Variants in PRUNE2 observed in about 807,000 individuals in gnomAD.
The protein encoded by PRUNE2 is protein prune homolog 2.
Under a neutral mutation model 252.0 loss-of-function variants are expected in PRUNE2, and 164 were observed. The observed-to-expected ratio is 0.65, with a 90% CI of 0.57 to 0.74. The LOEUF (loss-of-function observed/expected upper bound fraction) is 0.74, where lower values mean the gene tolerates loss of function less well. Among genes scored for constraint, PRUNE2 ranks in the 30% least tolerant of loss-of-function variants. The pLI is 0.00. For synonymous variants in PRUNE2, 1,292 were observed against 1,350.2 expected, an observed-to-expected ratio of 0.96 and a Z score of 0.94; for missense variants, 3,495 against 3,711.0, an observed-to-expected ratio of 0.94 and a Z score of 1.51.
At chr9:76,789,408 G>A (rs560915205) in intron 6 of PRUNE2, among the ~76,000 whole-genome samples, 33 of 152,204 alleles carry the variant, frequency 2.2e-4, no homozygotes, top group Non-Finnish European at 4.9e-4. Context: ...CTCCCAGACT[G>A]TAAATCTCTC....
intron 6 of PRUNE2, among the ~76,000 whole-genome samples, chr9:76,773,844 C>T (rs943837459): frequency 6.6e-6 from 1 of 152,060 alleles, no homozygotes; most frequent in Non-Finnish European, 1.5e-5. Context: ...ACTTAGGAGA[C>T]CCCATGTGTT....
intron 1 of PRUNE2, chr9:76,869,181 G>A (rs2061037814): frequency 6.6e-6 from 1 of 152,188 alleles, no homozygotes; most frequent in Admixed American, 6.5e-5. Flanking sequence ...ATTTGGAATG[G>A]ACGTCAGGCC....
rs1291630285 is a variant in PRUNE2, at chr9:76,614,454, A to G, written c.*116T>C. On this transcript the variant is annotated 3_prime_UTR_variant, in exon 19 of 19. Coordinates refer to ENST00000376718, the MANE Select transcript of PRUNE2 (RefSeq NM_015225.3). ...CTATTTTTCCCCTTAGAAATTTAGA[A>G]TGGCACCAGGTAGTGCAAAGTGGAA... is the stretch of plus-strand genomic sequence containing the variant. The G allele has an allele frequency of 2.5e-6, 2 of 795,504 alleles. No homozygotes were observed. The highest frequency in any genetic ancestry group is 4.2e-6 in the Non-Finnish European group (2 of 473,982). The allele number at this position is 795,504 out of a possible 1,614,324, so 49.3% of individuals were successfully genotyped here. A position where few individuals can be genotyped will look rare whatever the true frequency, so the allele number is the denominator to read the frequency against.
chr9:76,840,361 A>G (rs2059314094), intron 4 of PRUNE2, among the ~76,000 whole-genome samples: 1 of 152,162 alleles, frequency 6.6e-6, no homozygotes, highest in African/African-American at 2.4e-5. Context: ...AGGAATCAAT[A>G]TCTTGGCCCA....
intron 1 of PRUNE2, among the ~76,000 whole-genome samples, chr9:76,895,136 A>G (rs2062741779): frequency 6.6e-6 from 1 of 152,172 alleles, no homozygotes. Context: ...AATAATTTCC[A>G]TGGGTGGAAA....
intron 6 of PRUNE2, among the ~76,000 whole-genome samples, chr9:76,771,829 C>T (rs927833406): frequency 6.6e-6 from 1 of 152,132 alleles, no homozygotes; most frequent in Non-Finnish European, 1.5e-5. Flanking sequence ...ACAAAAGCCA[C>T]CAACCACTCA....
chr9:76,614,696 A>C, intron 18 of PRUNE2, 96 bp from the exon 19 acceptor site: 1 of 892,020 alleles, frequency 1.1e-6, no homozygotes, highest in South Asian at 1.5e-5. Flanking sequence ...TTTTCCTCAA[A>C]GGACATACTG....
intron 1 of PRUNE2, among the ~76,000 whole-genome samples, chr9:76,878,097 C>T (rs922564795): frequency 6.6e-6 from 1 of 152,144 alleles, no homozygotes; most frequent in African/African-American, 2.4e-5. Context: ...GAAGACAGGT[C>T]AGCACTATGG....
chr9:76,793,075 T>C (rs139488759), intron 6 of PRUNE2, among the ~76,000 whole-genome samples: 1 of 152,342 alleles, frequency 6.6e-6, no homozygotes, highest in East Asian at 1.9e-4. Context: ...CCAAGTCTAT[T>C]ATGCCATGTG....
rs765995242 is a variant in PRUNE2 at position 76,652,538 on chromosome 9, A to T, written c.8502T>A (p.Asn2834Lys). 6.2e-7 allele frequency: 1 copy of T among 1,613,338 alleles called. No homozygotes were observed. The highest frequency in any genetic ancestry group is 8.5e-7 in the Non-Finnish European group (1 of 1,179,362). Residue 2834 changes from asparagine (N) to lysine (K), a missense_variant, in exon 11 of 19, where the codon AAT becomes AAA. By Grantham distance (94) the Asn-to-Lys change is moderately conservative. Transcript: ENST00000376718. ...CATCGGGGGTATCAAGTTCATCCAC[A>T]TTGATGTCAATTTCATCTGGACTGT... ...NLDSPDEIDI[N>K]VDELDTPDEA...
At chr9:76,787,127 A>T (rs922343060) in intron 6 of PRUNE2, 4 of 152,106 alleles carry the variant, frequency 2.6e-5, no homozygotes, top group African/African-American at 9.7e-5. Context: ...AATTTTTTAA[A>T]CTTGCTGAAA....
At chr9:76,688,594 A>G (rs377391401) in intron 9 of PRUNE2, among the ~76,000 whole-genome samples, 9 of 151,522 alleles carry the variant, frequency 5.9e-5, no homozygotes, top group African/African-American at 2.2e-4. Flanking sequence ...TTCTAAAACT[A>G]CCTCCCTTCT....
chr9:76,826,419 G>A (rs1027501120), intron 5 of PRUNE2, among the ~76,000 whole-genome samples, 161 bp downstream of exon 5: 7 of 152,200 alleles, frequency 4.6e-5, no homozygotes, highest in African/African-American at 1.7e-4. Flanking sequence ...GTTGCAGTGA[G>A]CTGAGATCAT....
In PRUNE2 at chr9:76,645,637, T is replaced by C. The variant is rs546076143; in HGVS notation, c.8558-728A>G. ...TCCTCTGGGAAGAAATTTACTCTTGTGCATTTAAAAAAAAAAAGTAACCAT... is the reference window on the plus strand; with the variant it reads ...TCCTCTGGGAAGAAATTTACTCTTGCGCATTTAAAAAAAAAAAGTAACCAT... On this transcript the variant is annotated intron_variant, in intron 11 of 18. Coordinates refer to ENST00000376718, the MANE Select transcript of PRUNE2 (RefSeq NM_015225.3). Among the ~76,000 whole-genome samples the C allele has an allele frequency of 6.7e-4, 101 of 151,862 alleles. No individual in the cohort carries two copies. In the South Asian group the frequency reaches 8.5e-3, roughly 13 times the overall value.
chr9:76,761,557 A>C (rs548408499), intron 6 of PRUNE2, among the ~76,000 whole-genome samples: 1 of 152,314 alleles, frequency 6.6e-6, no homozygotes, highest in Admixed American at 6.5e-5. Context: ...TGGACATCAA[A>C]GCCCGGGGTC....
In PRUNE2 at chr9:76,707,817, G is replaced by C. The variant is rs368132273; in HGVS notation, c.4457C>G (p.Pro1486Arg). Reference sequence around the variant, plus strand: ...GACGTCCCCAAAATCAAGACTTCGGGGAACTCTGTGAGGTGGCCCTCCACC... The same window carrying C: ...GACGTCCCCAAAATCAAGACTTCGGCGAACTCTGTGAGGTGGCCCTCCACC... ...NVGGGPPHRV[P>R]RSLDFGDVPI... is the part of the protein sequence containing the mutation. Residue 1486 changes from proline to arginine, a missense_variant, in exon 8 of 19, where the codon CCC becomes CGC. Physicochemically the swap from Pro to Arg is moderately radical, Grantham distance 103 (BLOSUM62 -2). Coordinates refer to ENST00000376718, the MANE Select transcript of PRUNE2 (RefSeq NM_015225.3). 26 of 1,613,328 alleles carry C rather than the reference G, an allele frequency of 1.6e-5. No homozygotes were observed. The highest frequency in any genetic ancestry group is 2.0e-5 in the Non-Finnish European group (24 of 1,179,672).
At chr9:76,704,516 C>T (rs1425734902) in intron 8 of PRUNE2, among the ~76,000 whole-genome samples, 6 of 152,320 alleles carry the variant, frequency 3.9e-5, no homozygotes, top group East Asian at 1.9e-4. Context: ...TGAGCCACCG[C>T]GCCCAGCTAG....
intron 6 of PRUNE2, among the ~76,000 whole-genome samples, chr9:76,765,529 G>A (rs899879292): frequency 6.6e-6 from 1 of 152,126 alleles, no homozygotes; most frequent in Non-Finnish European, 1.5e-5. Flanking sequence ...TTGCATTCTA[G>A]CAATTAGCAC....
intron 1 of PRUNE2, among the ~76,000 whole-genome samples, chr9:76,878,177 T>G (rs1305082069): frequency 6.6e-6 from 1 of 152,180 alleles, no homozygotes; most frequent in Non-Finnish European, 1.5e-5. Context: ...GAATGCAGGC[T>G]GACCCCAAGG....
Sources: allele counts gnomAD v4.1 joint callset (sites outside exome capture counted in the v4.1 genomes callset), GRCh38; gene constraint gnomAD v4.1.1; transcripts MANE v1.5; gene names NCBI Gene and HGNC (gene_info 2026-07-23, HGNC 2026-07-21).